Variants in NFATC3 observed in about 807,000 individuals in gnomAD.
NFATC3 encodes the protein nuclear factor of activated T cells 3.
In NFATC3, 46 loss-of-function variants were observed where a neutral mutation model predicts 98.6. The observed-to-expected ratio is 0.47, with a 90% confidence interval of 0.37 to 0.60. The LOEUF (loss-of-function observed/expected upper bound fraction) is 0.60. Ranked by LOEUF, NFATC3 falls within the 20% of genes least tolerant of loss-of-function variation. The pLI, the probability that NFATC3 is intolerant of heterozygous loss-of-function variation, is 0.00. For synonymous variants in NFATC3, 512 were observed against 472.2 expected (o/e 1.08, Z -1.09); for missense variants, 1,256 against 1,295.5 (o/e 0.97, Z 0.47).
At chr16:68,145,709 G>T (rs1352493867) in intron 3 of NFATC3, among the ~76,000 whole-genome samples, 1 of 152,192 alleles carries the variant, frequency 6.6e-6, no homozygotes, top group African/African-American at 2.4e-5. Context: ...TCAGGTTGAG[G>T]GGTGCAAATA....
intron 1 of NFATC3, among the ~76,000 whole-genome samples, chr16:68,101,921 CA>C (rs2035387050): frequency 6.6e-6 from 1 of 152,166 alleles, no homozygotes; most frequent in Non-Finnish European, 1.5e-5. Context: ...GCATGTTGTA[CA>C]TCTGTCATTG....
At chr16:68,167,668 A>G (rs1360218049) in intron 5 of NFATC3, among the ~76,000 whole-genome samples, 2 of 152,086 alleles carry the variant, frequency 1.3e-5, no homozygotes, top group Non-Finnish European at 2.9e-5. Context: ...TTATTTGCAT[A>G]GGAGAAAACA....
chr16:68,157,128 C>T (rs1307240673), intron 3 of NFATC3, among the ~76,000 whole-genome samples: 1 of 150,946 alleles, frequency 6.6e-6, no homozygotes. Context: ...AAGTCCTAGC[C>T]AGAGCAATTA....
At chr16:68,142,461 T>C (rs1418191409) in intron 3 of NFATC3, among the ~76,000 whole-genome samples, 1 of 152,128 alleles carries the variant, frequency 6.6e-6, no homozygotes, top group African/African-American at 2.4e-5. Context: ...GATTCATTTA[T>C]CAAATCTAGG....
At chr16:68,089,104 A>T in intron 1 of NFATC3, 1 of 985,400 alleles carries the variant, frequency 1.0e-6, no homozygotes, top group Non-Finnish European at 1.2e-6. Context: ...AGATCTTGGT[A>T]ATTTGGGGCT....
chr16:68,202,006 G>A (rs1199778270), intron 9 of NFATC3, among the ~76,000 whole-genome samples: 1 of 133,228 alleles, frequency 7.5e-6, no homozygotes. Context: ...TGTGAAACTA[G>A]ACTATCTTAG....
intron 9 of NFATC3, among the ~76,000 whole-genome samples, chr16:68,210,948 A>AT (rs1446723408): frequency 6.6e-6 from 1 of 151,256 alleles, no homozygotes; most frequent in African/African-American, 2.4e-5. Flanking sequence ...TGCCCGGCTA[A>AT]TTTTTTTGTA....
At chr16:68,086,809 T>C in intron 1 of NFATC3, 1 of 984,438 alleles carries the variant, frequency 1.0e-6, no homozygotes, top group Non-Finnish European at 1.2e-6. Flanking sequence ...GTACTTATTT[T>C]ATCGGTCCTT....
intron 9 of NFATC3, among the ~76,000 whole-genome samples, chr16:68,195,870 T>G (rs1297966509): frequency 3.9e-5 from 6 of 152,180 alleles, no homozygotes; most frequent in Non-Finnish European, 5.9e-5. Context: ...TTTATTTTTT[T>G]GTGATGGTAG....
chr16:68,086,689 C>G, intron 1 of NFATC3: 4 of 985,228 alleles, frequency 4.1e-6, no homozygotes, highest in Non-Finnish European at 4.8e-6. Flanking sequence ...TTTTTCTTGC[C>G]TGGTATGAGG....
intron 4 of NFATC3, among the ~76,000 whole-genome samples, chr16:68,163,957 A>G (rs1423725871): frequency 1.4e-5 from 2 of 145,614 alleles, no homozygotes; most frequent in Non-Finnish European, 3.0e-5. Flanking sequence ...GTCCCAGACG[A>G]TGGGCGGCCA....
chr16:68,107,973 C>CAGAT (rs1337935929), intron 1 of NFATC3, among the ~76,000 whole-genome samples: 1 of 148,644 alleles, frequency 6.7e-6, no homozygotes, highest in East Asian at 2.0e-4. Context: ...GGATATTAGA[C>CAGAT]CTTAGTCAGA....
chr16:68,091,248 T>C (rs910000363), intron 1 of NFATC3, among the ~76,000 whole-genome samples: 15 of 152,130 alleles, frequency 9.9e-5, no homozygotes, highest in African/African-American at 3.6e-4. Context: ...GCCAAGAAGT[T>C]GTGGGGGTTA....
At chr16:68,153,352 G>A (rs749227441) in intron 3 of NFATC3, among the ~76,000 whole-genome samples, 42 of 152,120 alleles carry the variant, frequency 2.8e-4, no homozygotes, top group Non-Finnish European at 5.6e-4. Context: ...AACCCAGGAG[G>A]CAGAGGTTGC....
intron 1 of NFATC3, among the ~76,000 whole-genome samples, chr16:68,100,037 G>T (rs1045160011): frequency 1.3e-5 from 2 of 152,076 alleles, no homozygotes; most frequent in East Asian, 3.9e-4. Flanking sequence ...CCAAGTTGTC[G>T]AGTATATTAA....
At chr16:68,216,231 C>T (rs1172600358) in intron 9 of NFATC3, among the ~76,000 whole-genome samples, 1 of 152,096 alleles carries the variant, frequency 6.6e-6, no homozygotes, top group Non-Finnish European at 1.5e-5. Flanking sequence ...CAAGATTATT[C>T]AGAGGAAAAT....
intron 9 of NFATC3, among the ~76,000 whole-genome samples, chr16:68,213,451 A>T (rs1384473284): frequency 2.7e-5 from 4 of 149,258 alleles, no homozygotes; most frequent in Non-Finnish European, 5.9e-5. Flanking sequence ...AATTAAAAAA[A>T]ATAAAAATTA....
chr16:68,172,220 T>A (rs1051394683), intron 5 of NFATC3, among the ~76,000 whole-genome samples: 1 of 152,158 alleles, frequency 6.6e-6, no homozygotes, highest in Non-Finnish European at 1.5e-5. Context: ...TGTGGCTAGG[T>A]ATTAAGTACT....
Position 68,109,274 on chromosome 16 carries a change from T to C in NFATC3, c.104-12713T>C, listed in dbSNP as rs191614753. Among the ~76,000 whole-genome samples, 6 of 152,352 alleles carry C rather than the reference T, an allele frequency of 3.9e-5. No homozygotes were observed. The East Asian group carries it at 1.2e-3, about 29-fold the overall frequency. ...CCGATACCTAGTTTATTGAGAGTTT[T>C]TAACATGAAGTGATGTTGAATTTTA... On this transcript the variant is annotated intron_variant, in intron 1 of 9. Transcript: ENST00000346183.
Sources: allele counts gnomAD v4.1 joint callset (sites outside exome capture counted in the v4.1 genomes callset), GRCh38; gene constraint gnomAD v4.1.1; transcripts MANE v1.5; gene names NCBI Gene and HGNC (gene_info 2026-07-23, HGNC 2026-07-21).